Variants in WNT16 observed in about 807,000 individuals in gnomAD.
The protein encoded by WNT16 is Wnt family member 16.
A neutral mutation model predicts 35.4 loss-of-function variants in WNT16; 20 were observed. The ratio of observed to expected loss-of-function variants is 0.56; its 90% CI spans 0.40 to 0.82. The LOEUF (loss-of-function observed/expected upper bound fraction) is 0.82, where lower values mean the gene tolerates loss of function less well. Among genes scored for constraint, WNT16 ranks in the 40% least tolerant of loss-of-function variants. The pLI, the probability that WNT16 is intolerant of heterozygous loss-of-function variation, is 0.00. For missense variants in WNT16, 461 were observed against 466.0 expected (o/e 0.99, Z 0.10); for synonymous variants, 180 against 179.2 (o/e 1.00, Z -0.03).
At chr7:121,329,449 G>A in intron 1 of WNT16, 62 bp downstream of exon 1, 1 of 1,591,508 alleles carries the variant, frequency 6.3e-7, no homozygotes, top group Admixed American at 1.7e-5. Flanking sequence ...CAATCCTAGG[G>A]AACTTTCAAC....
intron 2 of WNT16, among the ~76,000 whole-genome samples, chr7:121,330,954 A>C (rs1194792656): frequency 5.3e-5 from 8 of 152,100 alleles, no homozygotes; most frequent in Admixed American, 6.5e-5. Context: ...ACTCTACTGC[A>C]GGTGTGCTAA....
Position 121,338,882 on chromosome 7 carries a change from C to T in WNT16, c.635C>T (p.Ala212Val), listed in dbSNP as rs1793480788. The change falls in exon 4 of 4, where the codon GCT (alanine) becomes GTT (valine). Residue 212 changes from alanine (A) to valine (V), a missense_variant and splice_region_variant. By Grantham distance (64) the Ala-to-Val change is moderately conservative. Coordinates refer to ENST00000222462, the MANE Select transcript of WNT16 (RefSeq NM_057168.2). Reference protein sequence around the residue: ...NLHNNEAGRQAVAKLMSVDCR... With the variant: ...NLHNNEAGRQVVAKLMSVDCR... ...GAACACAATTACTGTTGGTTTCAGG[C>T]TGTCGCCAAGTTGATGTCAGTAGAC... The T allele has an allele frequency of 6.2e-7, 1 of 1,610,748 alleles. No homozygotes were observed. The highest frequency in any genetic ancestry group is 1.1e-5 in the South Asian group (1 of 90,836).
upstream of WNT16, chr7:121,325,588 C>A: frequency 9.6e-7 from 1 of 1,045,586 alleles, no homozygotes; most frequent in Non-Finnish European, 1.4e-6. Context: ...AAAATTTTGA[C>A]CCAAAGACAC....
chr7:121,329,061 C>A lies in WNT16; in HGVS notation c.-232C>A. 2.4e-6 allele frequency: 3 copies of A among 1,273,136 alleles called. No homozygotes were observed. The highest frequency in any genetic ancestry group is 3.0e-6 in the Non-Finnish European group (3 of 1,010,110). The allele number at this position is 1,273,136 out of a possible 1,614,324, so 78.9% of individuals were successfully genotyped here. A position where few individuals can be genotyped will look rare whatever the true frequency, so the allele number is the denominator to read the frequency against. ...CCCGCATCTCCTGCACATCTCCACC[C>A]CTGCGCAGGAGGAGATCCCCAGGCT... On this transcript the variant is annotated 5_prime_UTR_variant, in exon 1 of 4. Coordinates refer to ENST00000222462, the MANE Select transcript of WNT16 (RefSeq NM_057168.2).
At position 121,335,737 on chromosome 7, in the gene WNT16, T is replaced by C. The variant is rs1267297131; in HGVS notation, c.634-3144T>C. 3.3e-5 allele frequency among the ~76,000 whole-genome samples: 5 copies of C among 152,096 alleles called. No homozygotes were observed. In the East Asian group the frequency reaches 9.6e-4, roughly 29 times the overall value. ...TTAAATATACTTGCATTTTCCACTT[T>C]TATTTTTCCCTATTCTACTAAAATT... On this transcript the variant is annotated intron_variant, in intron 3 of 3. Transcript: ENST00000222462.
upstream of WNT16, among the ~76,000 whole-genome samples, chr7:121,326,444 C>CTTGTGT (rs1176367516): frequency 6.6e-6 from 1 of 152,152 alleles, no homozygotes; most frequent in Admixed American, 6.5e-5. Context: ...AAAATTGTGT[C>CTTGTGT]TTGTGTTTGA....
At chr7:121,328,993 A>G (rs1056167170), upstream of WNT16, 25 of 1,137,978 alleles carry the variant, frequency 2.2e-5, no homozygotes, top group Non-Finnish European at 2.5e-5. Flanking sequence ...GGAGACGCGG[A>G]TACATCAACA....
chr7:121,338,441 A>G (rs1793474155), intron 3 of WNT16, among the ~76,000 whole-genome samples: 1 of 152,178 alleles, frequency 6.6e-6, no homozygotes, highest in Admixed American at 6.5e-5. Context: ...GAGAGTCTGC[A>G]TATCTCACAA....
chr7:121,332,719 T>A (rs1793372606), intron 3 of WNT16, among the ~76,000 whole-genome samples: 1 of 152,140 alleles, frequency 6.6e-6, no homozygotes, highest in Non-Finnish European at 1.5e-5. Flanking sequence ...TATAAAGCAA[T>A]GTAGGTTAAT....
At chr7:121,327,837 G>C (rs1793267456), upstream of WNT16, among the ~76,000 whole-genome samples, 2 of 152,182 alleles carry the variant, frequency 1.3e-5, no homozygotes, top group Admixed American at 1.3e-4. Context: ...CTTGCCTTCA[G>C]ATAACTCTCG....
intron 3 of WNT16, among the ~76,000 whole-genome samples, chr7:121,334,424 C>G (rs1793403931): frequency 1.3e-5 from 2 of 152,050 alleles, no homozygotes; most frequent in Admixed American, 1.3e-4. Flanking sequence ...AAACCAACAA[C>G]ACCATAAAAG....
upstream of WNT16, among the ~76,000 whole-genome samples, chr7:121,328,061 A>G (rs145663918): frequency 2.9e-3 from 442 of 152,322 alleles, 4 homozygotes; most frequent in African/African-American, 9.6e-3. Flanking sequence ...ATAAATTCCC[A>G]CAGGACTAGG....
upstream of WNT16, chr7:121,328,960 T>C (rs377613009): frequency 1.5e-4 from 151 of 991,048 alleles, no homozygotes; most frequent in South Asian, 3.9e-3. Context: ...GGGGAGGAGA[T>C]GGGAGGAGAG....
At chr7:121,332,049 T>A in intron 3 of WNT16, 85 bp downstream of exon 3, 1 of 1,511,264 alleles carries the variant, frequency 6.6e-7, no homozygotes, top group South Asian at 1.3e-5. Flanking sequence ...ACTGTCCAAA[T>A]GACTTAAAAA....
chr7:121,338,233 T>C (rs1202554358), intron 3 of WNT16, among the ~76,000 whole-genome samples: 3 of 152,188 alleles, frequency 2.0e-5, no homozygotes, highest in African/African-American at 4.8e-5. Flanking sequence ...GAAAGTACCA[T>C]GGCCTGGACA....
At position 121,331,758 on chromosome 7, in the gene WNT16, A is replaced by G; in HGVS notation, c.427A>G (p.Asn143Asp). 6.2e-7 allele frequency: 1 copy of G among 1,614,250 alleles called. No individual in the cohort carries two copies. The highest frequency in any genetic ancestry group is 8.5e-7 in the Non-Finnish European group (1 of 1,180,050). Residue 143 changes from asparagine (N) to aspartate (D), a missense_variant, in exon 3 of 4, where the codon AAC becomes GAC. By Grantham distance (23) the Asn-to-Asp change is conservative (BLOSUM62 1). Transcript: ENST00000222462. ...HSVTRSCSAG[N>D]MTECSCDTTL... is the part of the protein sequence containing the mutation. ...TGTGACCAGGTCATGCAGTGCAGGC[A>G]ACATGACAGAGTGTTCCTGTGACAC... is the stretch of plus-strand genomic sequence containing the variant.
chr7:121,332,013 T>C (rs1230463618), intron 3 of WNT16, 49 bp downstream of exon 3: 1 of 1,590,082 alleles, frequency 6.3e-7, no homozygotes, highest in East Asian at 2.2e-5. Context: ...GTTAGGTAAA[T>C]AACTAGGATT....
Position 121,331,658 on chromosome 7 carries a change from G to T in WNT16, c.347-20G>T. Reference sequence around the variant, plus strand: ...AGAAGTTGCCTGGTTCTCTAATTTAGCAATTTATATTTTTTCTAGGCACCA... The same window carrying T: ...AGAAGTTGCCTGGTTCTCTAATTTATCAATTTATATTTTTTCTAGGCACCA... On this transcript the variant is annotated intron_variant, in intron 2 of 3. Transcript: ENST00000222462. 3 of 1,596,040 alleles carry T rather than the reference G, an allele frequency of 1.9e-6. No individual in the cohort carries two copies. The highest frequency in any genetic ancestry group is 2.6e-6 in the Non-Finnish European group (3 of 1,165,578).
At chr7:121,330,851 T>C (rs151174255) in intron 2 of WNT16, among the ~76,000 whole-genome samples, 10 of 141,230 alleles carry the variant, frequency 7.1e-5, no homozygotes, top group Non-Finnish European at 1.2e-4. Flanking sequence ...ACTAAACATC[T>C]GGAAAGAAAA....
Sources: gnomAD v4.1 joint callset for allele counts (sites outside exome capture counted in the v4.1 genomes callset) on GRCh38, gnomAD v4.1.1 for gene constraint, MANE v1.5 for transcripts, NCBI Gene and HGNC (gene_info 2026-07-23, HGNC 2026-07-21) for gene names.